COL11A1: variants seen among roughly 807,000 people sequenced by gnomAD.
The protein encoded by COL11A1 is collagen type XI alpha 1 chain, also known as collagen alpha-1(XI) chain.
COL11A1 carries 74 observed loss-of-function variants against 265.2 expected under a neutral mutation model. The ratio of observed to expected loss-of-function variants is 0.28; its 90% confidence interval spans 0.23 to 0.34. COL11A1 has a LOEUF of 0.34. Ranked by LOEUF, COL11A1 falls within the 10% of genes least tolerant of loss-of-function variation. The pLI is 1.00. For synonymous variants in COL11A1, 816 were observed against 727.6 expected (o/e 1.12, Z -1.96); for missense variants, 2,165 against 2,263.6 (o/e 0.96, Z 0.88).
chr1:102,910,756 T>C (rs530155426), intron 54 of COL11A1, among the ~76,000 whole-genome samples: 12 of 152,028 alleles, frequency 7.9e-5, no homozygotes, highest in African/African-American at 2.9e-4. Flanking sequence ...AAACAGAAAA[T>C]ACACAATTTG....
At chr1:103,004,991 G>A (rs4098282) in intron 18 of COL11A1, among the ~76,000 whole-genome samples, 111,670 of 151,776 alleles carry the variant, frequency 0.74, 43,568 homozygotes, top group East Asian at 0.92. Flanking sequence ...GCTGATGATT[G>A]TATTAAATAT....
intron 41 of COL11A1, among the ~76,000 whole-genome samples, chr1:102,953,839 C>T (rs923468089): frequency 3.3e-5 from 5 of 152,100 alleles, no homozygotes; most frequent in Non-Finnish European, 7.4e-5. Context: ...TATTTGTATA[C>T]TTGTCTCTCT....
At chr1:102,992,008 C>G (rs532153832) in intron 28 of COL11A1, among the ~76,000 whole-genome samples, 119 of 152,182 alleles carry the variant, frequency 7.8e-4, no homozygotes, top group Non-Finnish European at 1.4e-3. Context: ...CATAATTACA[C>G]AGCTGCCATG....
intron 28 of COL11A1, among the ~76,000 whole-genome samples, chr1:102,994,877 A>G (rs1357409311): frequency 1.3e-5 from 2 of 152,124 alleles, no homozygotes; most frequent in Non-Finnish European, 2.9e-5. Flanking sequence ...GGGAATCCTC[A>G]AGAAACTTAC....
Position 102,878,095 on chromosome 1 carries a change from T to A in COL11A1, c.5345A>T (p.Asp1782Val), listed in dbSNP as rs1228637510. Residue 1782 changes from aspartate (D) to valine (V), a missense_variant, in exon 67 of 67, where the codon GAT (aspartate) becomes GTT (valine). Asp to Val is a radical substitution (Grantham distance 152, BLOSUM62 -3). Coordinates refer to ENST00000370096, the MANE Select transcript of COL11A1 (RefSeq NM_001854.4). ...ATCACCAAAGTCATTGATCATGACATCAACAATAGGTACTTGATCAATTTT... is the reference window on the plus strand; with the variant it reads ...ATCACCAAAGTCATTGATCATGACAACAACAATAGGTACTTGATCAATTTT... ...TPKIDQVPIVDVMINDFGDQN... is the reference protein window; with the variant it reads ...TPKIDQVPIVVVMINDFGDQN... The A allele has an allele frequency of 6.2e-7, 1 of 1,613,498 alleles. No individual in the cohort carries two copies. The highest frequency in any genetic ancestry group is 1.1e-5 in the South Asian group (1 of 91,072).
chr1:102,978,261 T>C (rs1296266672), intron 35 of COL11A1, among the ~76,000 whole-genome samples: 1 of 152,186 alleles, frequency 6.6e-6, no homozygotes, highest in Non-Finnish European at 1.5e-5. Context: ...TTTACTGGAA[T>C]AGATGTTTTA....
At chr1:103,040,215 G>A (rs1007961934) in intron 4 of COL11A1, among the ~76,000 whole-genome samples, 5 of 151,422 alleles carry the variant, frequency 3.3e-5, no homozygotes, top group African/African-American at 7.3e-5. Context: ...AACAAAAAAT[G>A]CTAGAAAAAC....
intron 14 of COL11A1, among the ~76,000 whole-genome samples, chr1:103,009,810 A>T (rs1665950714): frequency 6.6e-6 from 1 of 152,184 alleles, no homozygotes. Context: ...AAGTAACATG[A>T]ATTTTCTAAT....
At chr1:103,022,711 T>C in intron 8 of COL11A1, 31 bp downstream of exon 8, 5 of 1,612,898 alleles carry the variant, frequency 3.1e-6, no homozygotes, top group Non-Finnish European at 4.2e-6. Flanking sequence ...AAATAAGACA[T>C]ACAATGACAC....
In COL11A1 at chr1:102,912,137, A is replaced by T. The variant is rs763638977; in HGVS notation, c.4086+22T>A. ...GGTGACTAATGAGCATATGTTTCAA[A>T]TAAAGAATTAAAGAAACTTACTCGT... On this transcript the variant is annotated intron_variant, in intron 54 of 66. Coordinates refer to ENST00000370096, the MANE Select transcript of COL11A1 (RefSeq NM_001854.4). 11 of 1,595,770 alleles carry T rather than the reference A, an allele frequency of 6.9e-6. No homozygotes were observed. In the East Asian group the frequency reaches 2.5e-4, roughly 36 times the overall value.
chr1:102,994,744 G>T (rs999738953), intron 28 of COL11A1, among the ~76,000 whole-genome samples: 1 of 151,966 alleles, frequency 6.6e-6, no homozygotes, highest in African/African-American at 2.4e-5. Context: ...TTTGTAGTAA[G>T]AATTAATTCA....
chr1:102,894,997 AGT>A (rs754186211), intron 57 of COL11A1, among the ~76,000 whole-genome samples: 7 of 150,392 alleles, frequency 4.7e-5, no homozygotes, highest in South Asian at 2.1e-4. Context: ...ACACATTTGT[AGT>A]GTGTGTGAGT....
chr1:103,006,416 G>A (rs1365679542), intron 15 of COL11A1, 101 bp from the exon 16 acceptor site: 14 of 750,400 alleles, frequency 1.9e-5, no homozygotes, highest in Admixed American at 8.4e-5. Flanking sequence ...TCCTCTTAGC[G>A]TTACCTTAAT....
chr1:103,103,747 T>C (rs955500053), intron 1 of COL11A1, among the ~76,000 whole-genome samples: 1 of 44,164 alleles, frequency 2.3e-5, no homozygotes, highest in South Asian at 6.4e-3. Context: ...TAGTTGTTGA[T>C]TGCACAACAG....
chr1:103,067,027 C>CA lies in COL11A1; in HGVS notation c.651+7590dup, dbSNP rs551151715. ...ATGCCTGAGAATGCAATACATGCCG[C>CA]AAAAAATGGCAAAATGAAAAGGAAG... On this transcript the variant is annotated intron_variant, in intron 4 of 66. Coordinates refer to ENST00000370096, the MANE Select transcript of COL11A1 (RefSeq NM_001854.4). 2.4e-3 allele frequency among the ~76,000 whole-genome samples: 358 copies of CA among 151,174 alleles called. 1 individual carries two copies. The highest frequency in any genetic ancestry group is 0.01 in the Middle Eastern group (3 of 294).
chr1:102,908,029 T>C (rs893315990), intron 54 of COL11A1, among the ~76,000 whole-genome samples: 1 of 152,110 alleles, frequency 6.6e-6, no homozygotes, highest in Non-Finnish European at 1.5e-5. Context: ...CAGCCATGCA[T>C]AATAATCTTC....
At chr1:103,067,849 T>C (rs1183385682) in intron 4 of COL11A1, among the ~76,000 whole-genome samples, 6 of 151,498 alleles carry the variant, frequency 4.0e-5, no homozygotes, top group African/African-American at 1.5e-4. Context: ...ACAACTTAGT[T>C]GAACTAGAAA....
intron 64 of COL11A1, among the ~76,000 whole-genome samples, chr1:102,882,939 T>A (rs2101024469): frequency 6.6e-6 from 1 of 152,264 alleles, no homozygotes; most frequent in South Asian, 2.1e-4. Context: ...CTGTGCTGTG[T>A]CATGGAAATC....
rs1190318397 is a variant in COL11A1, at chr1:102,877,297, CATA to C, written c.*719_*721del. On this transcript the variant is annotated 3_prime_UTR_variant, in exon 67 of 67. Transcript: ENST00000370096. ...TAGCCTTGAATAAAGCATCAAAATG[CATA>C]ATATTTTTGGCTGAAATTCAGCAAA... The C allele has an allele frequency of 6.6e-6, 1 of 152,454 alleles. No homozygotes were observed. The highest frequency in any genetic ancestry group is 2.4e-5 in the African/African-American group (1 of 41,400). The allele number at this position is 152,454 out of a possible 1,614,324, so 9.4% of individuals were successfully genotyped here. A position where few individuals can be genotyped will look rare whatever the true frequency, so the allele number is the denominator to read the frequency against.
Sources: allele counts gnomAD v4.1 joint callset (sites outside exome capture counted in the v4.1 genomes callset), GRCh38; gene constraint gnomAD v4.1.1; transcripts MANE v1.5; gene names NCBI Gene and HGNC (gene_info 2026-07-23, HGNC 2026-07-21).